THSD7B: variants seen among roughly 807,000 people sequenced by gnomAD.
THSD7B encodes the protein thrombospondin type-1 domain-containing protein 7B.
Under a neutral mutation model 213.6 loss-of-function variants are expected in THSD7B, and 138 were observed. The ratio of observed to expected loss-of-function variants is 0.65; its 90% confidence interval spans 0.56 to 0.74. The LOEUF (loss-of-function observed/expected upper bound fraction) is 0.74. Ranked by LOEUF, THSD7B falls within the 30% of genes least tolerant of loss-of-function variation. The pLI, the probability that THSD7B is intolerant of heterozygous loss-of-function variation, is 0.00. For synonymous variants in THSD7B, 742 were observed against 687.0 expected, an observed-to-expected ratio of 1.08 and a Z score of -1.25; for missense variants, 1,931 against 1,991.5, an observed-to-expected ratio of 0.97 and a Z score of 0.58.
chr2:136,791,843 G>T (rs577492723), intron 1 of THSD7B, among the ~76,000 whole-genome samples: 1 of 152,024 alleles, frequency 6.6e-6, no homozygotes, highest in East Asian at 1.9e-4. Context: ...ATGCTGCTAC[G>T]AACATTTATG....
chr2:137,622,687 A>G (rs180980773), intron 20 of THSD7B, among the ~76,000 whole-genome samples: 1 of 152,324 alleles, frequency 6.6e-6, no homozygotes, highest in Admixed American at 6.5e-5. Flanking sequence ...ACCATCAGAG[A>G]ATACTATAAA....
chr2:137,351,844 A>G (rs1340420334), intron 12 of THSD7B, among the ~76,000 whole-genome samples: 1 of 151,906 alleles, frequency 6.6e-6, no homozygotes, highest in Non-Finnish European at 1.5e-5. Context: ...TAAGCCCACA[A>G]TGCACTAAAT....
chr2:137,086,389 G>C (rs568921042), intron 3 of THSD7B, among the ~76,000 whole-genome samples: 2 of 152,038 alleles, frequency 1.3e-5, no homozygotes, highest in Non-Finnish European at 2.9e-5. Context: ...TGTAGCTATA[G>C]GGGCAAAACC....
At chr2:137,646,284 T>A (rs1001976603) in intron 21 of THSD7B, among the ~76,000 whole-genome samples, 2 of 152,004 alleles carry the variant, frequency 1.3e-5, no homozygotes, top group African/African-American at 4.8e-5. Context: ...TGAAGGAGCT[T>A]CTTCTTCCCT....
chr2:136,791,418 A>G (rs1471367017), intron 1 of THSD7B, among the ~76,000 whole-genome samples: 3 of 151,968 alleles, frequency 2.0e-5, no homozygotes, highest in Non-Finnish European at 2.9e-5. Context: ...GTACAATACA[A>G]TGGTGTTTAG....
intron 14 of THSD7B, among the ~76,000 whole-genome samples, chr2:137,446,977 G>A (rs1687554045): frequency 2.0e-5 from 3 of 151,870 alleles, no homozygotes; most frequent in South Asian, 4.1e-4. Context: ...TTAAGTGTGT[G>A]GTAAAACTTA....
intron 12 of THSD7B, among the ~76,000 whole-genome samples, chr2:137,402,443 A>G (rs558894882): frequency 1.8e-4 from 28 of 152,298 alleles, no homozygotes; most frequent in Admixed American, 1.7e-3. Flanking sequence ...TTGGTTTATC[A>G]TAGCTTTTAA....
chr2:137,086,212 CT>C (rs1334262064), intron 3 of THSD7B, among the ~76,000 whole-genome samples: 2 of 152,038 alleles, frequency 1.3e-5, no homozygotes, highest in Non-Finnish European at 2.9e-5. Flanking sequence ...TGGTGCACGC[CT>C]GTAATCCCAG....
rs544470059 is a variant in THSD7B, at chr2:137,411,756, G to A, written c.2843G>A (p.Arg948Gln). 4.1e-5 allele frequency: 66 copies of A among 1,613,930 alleles called. 2 individuals are homozygous for A. The South Asian group carries it at 5.6e-4, about 14-fold the overall frequency. The change falls in exon 14 of 28, where the codon CGA (arginine) becomes CAA (glutamine). Residue 948 changes from arginine to glutamine, a missense_variant. By Grantham distance (43) the Arg-to-Gln change is conservative. Transcript: ENST00000409968. ...CCAGAAGGCAGAAGGGAGCCTCACC[G>A]AGGACTGCGGGTACAAGCAGACAGC... Reference protein sequence around the residue: ...ILPEGRREPHRGLRVQADSKE... With the variant: ...ILPEGRREPHQGLRVQADSKE...
At chr2:137,094,851 T>G (rs1473056358) in intron 3 of THSD7B, 22 bp from the exon 4 acceptor site, 1 of 1,605,112 alleles carries the variant, frequency 6.2e-7, no homozygotes, top group African/African-American at 1.3e-5. Flanking sequence ...GGCCTCCTAT[T>G]TTCTACTTCT....
At chr2:137,316,508 G>A (rs1476500387) in intron 12 of THSD7B, among the ~76,000 whole-genome samples, 1 of 152,170 alleles carries the variant, frequency 6.6e-6, no homozygotes, top group Admixed American at 6.5e-5. Context: ...GGGCGTGGTG[G>A]CTCACGCCTG....
At chr2:137,207,032 G>GA (rs1173249193) in intron 7 of THSD7B, among the ~76,000 whole-genome samples, 1 of 151,998 alleles carries the variant, frequency 6.6e-6, no homozygotes, top group African/African-American at 2.4e-5. Flanking sequence ...GTTCAGAGGG[G>GA]AGAGAGGATG....
At chr2:137,214,983 T>C (rs1681203721) in intron 7 of THSD7B, among the ~76,000 whole-genome samples, 1 of 152,178 alleles carries the variant, frequency 6.6e-6, no homozygotes, top group Non-Finnish European at 1.5e-5. Flanking sequence ...GTATTTCTGG[T>C]TCTAGATCCT....
chr2:137,509,909 G>A (rs1217840397), intron 15 of THSD7B, among the ~76,000 whole-genome samples: 1 of 151,846 alleles, frequency 6.6e-6, no homozygotes, highest in Non-Finnish European at 1.5e-5. Context: ...TTTCTTGACG[G>A]CTATTTGATC....
chr2:137,576,822 C>T (rs1228126499), intron 17 of THSD7B, among the ~76,000 whole-genome samples: 2 of 140,750 alleles, frequency 1.4e-5, no homozygotes, highest in South Asian at 2.6e-4. Flanking sequence ...TAATGGTGCT[C>T]CAGTGTTATT....
chr2:137,185,279 G>A (rs906375039), intron 7 of THSD7B, among the ~76,000 whole-genome samples: 1 of 151,842 alleles, frequency 6.6e-6, no homozygotes, highest in Admixed American at 6.6e-5. Context: ...TAGATTCTGG[G>A]GGTACATGTG....
chr2:137,373,097 T>C (rs1685568815), intron 12 of THSD7B, among the ~76,000 whole-genome samples: 1 of 152,008 alleles, frequency 6.6e-6, no homozygotes, highest in South Asian at 2.1e-4. Context: ...CAGTCTATCA[T>C]TGTTGGACAT....
intron 12 of THSD7B, among the ~76,000 whole-genome samples, chr2:137,337,250 A>G (rs1684657869): frequency 6.6e-6 from 1 of 152,166 alleles, no homozygotes; most frequent in African/African-American, 2.4e-5. Flanking sequence ...AGAATCCCAC[A>G]TTGCATTTAG....
chr2:137,312,222 G>A (rs1267288822), intron 12 of THSD7B, among the ~76,000 whole-genome samples: 1 of 152,078 alleles, frequency 6.6e-6, no homozygotes, highest in Admixed American at 6.5e-5. Context: ...ACTTCTTCCT[G>A]GTTTAGTCTT....
Sources: allele counts gnomAD v4.1 joint callset (sites outside exome capture counted in the v4.1 genomes callset), GRCh38; gene constraint gnomAD v4.1.1; transcripts MANE v1.5; gene names NCBI Gene and HGNC (gene_info 2026-07-23, HGNC 2026-07-21).